CCDC184: variants seen among roughly 807,000 people sequenced by gnomAD.
CCDC184 encodes the protein coiled-coil domain containing 184, also known as coiled-coil domain-containing protein 184.
A neutral mutation model predicts 10.4 loss-of-function variants in CCDC184; 11 were observed. The ratio of observed to expected loss-of-function variants is 1.06; its 90% CI spans 0.67 to 1.75. CCDC184 has a LOEUF of 1.75. Ranked by LOEUF, CCDC184 falls within the 40% of genes most tolerant of loss-of-function variation. The pLI, the probability that CCDC184 is intolerant of heterozygous loss-of-function variation, is 0.00. For missense variants in CCDC184, 264 were observed against 267.9 expected, an observed-to-expected ratio of 0.99 and a Z score of 0.10; for synonymous variants, 102 against 116.1, an observed-to-expected ratio of 0.88 and a Z score of 0.78.
rs775229625 is a variant in CCDC184 at position 48,184,629 on chromosome 12, G to C, written c.507G>C (p.Gly169=). ...RPESPCAGLL[G]GDGPLVEPLD... ...AAAGCCCCTGTGCTGGTCTCCTTGG[G>C]GGGGACGGGCCACTTGTGGAGCCCC... Residue 169 remains glycine (G), a synonymous_variant, in exon 1 of 1, where the codon GGG becomes GGC. Transcript: ENST00000316554. 1.9e-6 allele frequency: 3 copies of C among 1,580,922 alleles called. No homozygotes were observed. Among genetic ancestry groups the C allele is most frequent in the African/African-American group, 1.3e-5 (1 of 74,370 alleles).
chr12:48,184,348 T>C lies in CCDC184; in HGVS notation c.226T>C (p.Ser76Pro). 1 of 1,613,972 alleles carries C rather than the reference T, an allele frequency of 6.2e-7. No individual in the cohort carries two copies. Reference sequence around the variant, plus strand: ...GCAGGCCTCGCACATCCAGGTGCTCTCGGACGACGTGTGCGCCAACCAGCG... The same window carrying C: ...GCAGGCCTCGCACATCCAGGTGCTCCCGGACGACGTGTGCGCCAACCAGCG... Reference protein sequence around the residue: ...DEQASHIQVLSDDVCANQRAI... With the variant: ...DEQASHIQVLPDDVCANQRAI... The change falls in exon 1 of 1, where the codon TCG (serine) becomes CCG (proline). Residue 76 changes from serine (S) to proline (P), a missense_variant. Ser to Pro is a moderately conservative substitution (Grantham distance 74). Transcript: ENST00000316554.
Position 48,184,498 on chromosome 12 carries a change from G to C in CCDC184, c.376G>C (p.Gly126Arg), listed in dbSNP as rs770417787. 2 of 1,598,458 alleles carry C rather than the reference G, an allele frequency of 1.3e-6. No homozygotes were observed. The highest frequency in any genetic ancestry group is 1.7e-5 in the Admixed American group (1 of 58,762). ...QEPETPSPGI[G>R]DSGLLGRDPE... ...GCCGGAGACTCCTTCGCCTGGGATCGGGGACAGCGGCTTGCTGGGTCGCGA... is the reference window on the plus strand; with the variant it reads ...GCCGGAGACTCCTTCGCCTGGGATCCGGGACAGCGGCTTGCTGGGTCGCGA... Residue 126 changes from glycine (G) to arginine (R), a missense_variant, in exon 1 of 1, where the codon GGG becomes CGG. Gly to Arg is a moderately radical substitution (Grantham distance 125, BLOSUM62 -2). Transcript: ENST00000316554.
At position 48,185,795 on chromosome 12, in the gene CCDC184, A is replaced by T. The variant is rs1243135221; in HGVS notation, c.*1088A>T. On this transcript the variant is annotated 3_prime_UTR_variant, in exon 1 of 1. Transcript: ENST00000316554. The stretch of plus-strand genomic sequence containing the variant: ...GGGCATGGAGCATGTGGCTGTCCTG[A>T]GGTTCTTTTACTGATGTGCCGCCCT... 1 of 166,966 alleles carries T rather than the reference A, an allele frequency of 6.0e-6. No individual in the cohort carries two copies. Among genetic ancestry groups the T allele is most frequent in the Admixed American group, 6.6e-5 (1 of 15,264 alleles). The allele number at this position is 166,966 out of a possible 1,614,324, so 10.3% of individuals were successfully genotyped here. A position where few individuals can be genotyped will look rare whatever the true frequency, so the allele number is the denominator to read the frequency against.
In CCDC184 at chr12:48,184,366, A is replaced by C. The variant is rs1441581605; in HGVS notation, c.244A>C (p.Asn82His). 1 of 1,613,782 alleles carries C rather than the reference A, an allele frequency of 6.2e-7. No homozygotes were observed. The highest frequency in any genetic ancestry group is 8.5e-7 in the Non-Finnish European group (1 of 1,180,000). The change falls in exon 1 of 1, where the codon AAC becomes CAC. Residue 82 changes from asparagine (N) to histidine (H), a missense_variant. Coordinates refer to ENST00000316554, the MANE Select transcript of CCDC184 (RefSeq NM_001013635.4). ...GGTGCTCTCGGACGACGTGTGCGCCAACCAGCGAGCCATCGTCTCCATGTG... is the reference window on the plus strand; with the variant it reads ...GGTGCTCTCGGACGACGTGTGCGCCCACCAGCGAGCCATCGTCTCCATGTG... ...IQVLSDDVCA[N>H]QRAIVSMCQI... is the part of the protein sequence containing the mutation.
chr12:48,184,027 G>GC lies in CCDC184; in HGVS notation c.-92dup. 3.0e-6 allele frequency: 2 copies of GC among 671,312 alleles called. No homozygotes were observed. The highest frequency in any genetic ancestry group is 2.3e-6 in the Non-Finnish European group (1 of 426,700). 41.6% of individuals were successfully genotyped at this position (671,312 alleles called of 1,614,324 possible). On this transcript the variant is annotated 5_prime_UTR_variant, in exon 1 of 1. Transcript: ENST00000316554. ...CCTCCGCTTCCCTCGGCTCCCGCTAGCCCCTCCCGGGACCTCTCCCCCTCC... is the reference window on the plus strand; with the variant it reads ...CCTCCGCTTCCCTCGGCTCCCGCTAGCCCCCTCCCGGGACCTCTCCCCCTCC...
rs749942261 is a variant in CCDC184 at position 48,184,333 on chromosome 12, C to A, written c.211C>A (p.His71Asn). 9.9e-6 allele frequency: 16 copies of A among 1,614,140 alleles called. No individual in the cohort carries two copies. Among genetic ancestry groups the A allele is most frequent in the South Asian group, 6.6e-5 (6 of 91,088 alleles). ...MRGALDEQASHIQVLSDDVCA... is the reference protein window; with the variant it reads ...MRGALDEQASNIQVLSDDVCA... ...GGGGGCCCTGGACGAGCAGGCCTCG[C>A]ACATCCAGGTGCTCTCGGACGACGT... The change falls in exon 1 of 1, where the codon CAC becomes AAC. Residue 71 changes from histidine to asparagine, a missense_variant. Physicochemically the swap from His to Asn is moderately conservative, Grantham distance 68. Transcript: ENST00000316554.
chr12:48,185,102 T>C lies in CCDC184; in HGVS notation c.*395T>C, dbSNP rs563010132. On this transcript the variant is annotated 3_prime_UTR_variant, in exon 1 of 1. Transcript: ENST00000316554. ...ACCATGGCAAATAATCTCTAACAAT[T>C]TACCTGGAAATTAAGGAATTGGGGG... 267 of 179,484 alleles carry C rather than the reference T, an allele frequency of 1.5e-3. 2 individuals carry two copies. Among genetic ancestry groups the C allele is most frequent in the African/African-American group, 5.9e-3 (248 of 42,024 alleles). 11.1% of individuals were successfully genotyped at this position (179,484 alleles called of 1,614,324 possible). A position where few individuals can be genotyped will look rare whatever the true frequency, so the allele number is the denominator to read the frequency against.
In CCDC184 at chr12:48,185,533, C is replaced by G. The variant is rs1411948392; in HGVS notation, c.*826C>G. The stretch of plus-strand genomic sequence containing the variant: ...TCTTGGGGCCGCAGCCAAAAACTGT[C>G]TCTCCTGGCTACACCTGCTTAACTT... On this transcript the variant is annotated 3_prime_UTR_variant, in exon 1 of 1. Coordinates refer to ENST00000316554, the MANE Select transcript of CCDC184 (RefSeq NM_001013635.4). 3.6e-5 allele frequency: 6 copies of G among 166,904 alleles called. No homozygotes were observed. Among genetic ancestry groups the G allele is most frequent in the Non-Finnish European group, 8.8e-5 (6 of 68,142 alleles). The allele number at this position is 166,904 out of a possible 1,614,324, so 10.3% of individuals were successfully genotyped here.
rs1387306449 is a variant in CCDC184, at chr12:48,183,830, G to C, written c.-293G>C. The C allele has an allele frequency of 2.8e-5, 11 of 387,522 alleles. No homozygotes were observed. Among genetic ancestry groups the C allele is most frequent in the Non-Finnish European group, 4.6e-5 (10 of 216,254 alleles). The allele number at this position is 387,522 out of a possible 1,614,324, so 24.0% of individuals were successfully genotyped here. ...GGCGGCGCTGACACGGGCGCGATCC[G>C]GGAGGCGAGGCAGGGCAGGGCACTT... is the stretch of plus-strand genomic sequence containing the variant. On this transcript the variant is annotated 5_prime_UTR_variant, in exon 1 of 1. Transcript: ENST00000316554.
chr12:48,185,695 A>G lies in CCDC184; in HGVS notation c.*988A>G, dbSNP rs931326109. ...GGGCAGGGCTTGTGGCTCTGGTGTT[A>G]GGTTCAGGGGCTTCAGACCCTTCTA... On this transcript the variant is annotated 3_prime_UTR_variant, in exon 1 of 1. Transcript: ENST00000316554. 1 of 167,054 alleles carries G rather than the reference A, an allele frequency of 6.0e-6. No individual in the cohort carries two copies. Among genetic ancestry groups the G allele is most frequent in the African/African-American group, 2.4e-5 (1 of 41,352 alleles). 10.3% of individuals were successfully genotyped at this position (167,054 alleles called of 1,614,324 possible). A position where few individuals can be genotyped will look rare whatever the true frequency, so the allele number is the denominator to read the frequency against.
chr12:48,184,044 T>TCCCCC lies in CCDC184; in HGVS notation c.-78_-74dup. The TCCCCC allele has an allele frequency of 4.6e-6, 3 of 652,394 alleles. No individual in the cohort carries two copies. The highest frequency in any genetic ancestry group is 1.7e-5 in the South Asian group (1 of 57,596). The allele number at this position is 652,394 out of a possible 1,614,324, so 40.4% of individuals were successfully genotyped here. On this transcript the variant is annotated 5_prime_UTR_variant, in exon 1 of 1. Coordinates refer to ENST00000316554, the MANE Select transcript of CCDC184 (RefSeq NM_001013635.4). ...TCCCGCTAGCCCCTCCCGGGACCTCTCCCCCTCCACCCCCTCCCCCACCCC... is the reference window on the plus strand; with the variant it reads ...TCCCGCTAGCCCCTCCCGGGACCTCTCCCCCCCCCCTCCACCCCCTCCCCCACCCC...
At position 48,184,161 on chromosome 12, in the gene CCDC184, C is replaced by A; in HGVS notation, c.39C>A (p.Gly13=). The A allele has an allele frequency of 6.2e-7, 1 of 1,613,796 alleles. No individual in the cohort carries two copies. The highest frequency in any genetic ancestry group is 1.1e-5 in the South Asian group (1 of 91,052). ...TGCTGGAGATCATGACCAAGGACGG[C>A]GGCGACATGCCGGCGCCCCTGGAGG... The part of the protein sequence containing the change: ...DGLLEIMTKD[G]GDMPAPLEVS... Residue 13 remains glycine, a synonymous_variant, in exon 1 of 1, where the codon GGC becomes GGA. Coordinates refer to ENST00000316554, the MANE Select transcript of CCDC184 (RefSeq NM_001013635.4).
Position 48,184,066 on chromosome 12 carries a change from C to CCCCCCCCG in CCDC184, c.-54_-53insCCCCGCCC. On this transcript the variant is annotated 5_prime_UTR_variant, in exon 1 of 1. Coordinates refer to ENST00000316554, the MANE Select transcript of CCDC184 (RefSeq NM_001013635.4). The stretch of plus-strand genomic sequence containing the variant: ...CTCTCCCCCTCCACCCCCTCCCCCA[C>CCCCCCCCG]CCCGGAGGCCGGGCTGGACGCGACC... 7.5e-7 allele frequency: 1 copy of CCCCCCCCG among 1,326,812 alleles called. No homozygotes were observed. 82.2% of individuals were successfully genotyped at this position (1,326,812 alleles called of 1,614,324 possible).
rs1951490723 is a variant in CCDC184 at position 48,184,650 on chromosome 12, G to T, written c.528G>T (p.Glu176Asp). The change falls in exon 1 of 1, where the codon GAG becomes GAT. Residue 176 changes from glutamate (E) to aspartate (D), a missense_variant. By Grantham distance (45) the Glu-to-Asp change is conservative. Transcript: ENST00000316554. ...GLLGGDGPLV[E>D]PLDMPDITLL... Reference sequence around the variant, plus strand: ...TTGGGGGGGACGGGCCACTTGTGGAGCCCCTCGACATGCCCGACATTACCC... The same window carrying T: ...TTGGGGGGGACGGGCCACTTGTGGATCCCCTCGACATGCCCGACATTACCC... 2.5e-6 allele frequency: 4 copies of T among 1,593,566 alleles called. No individual in the cohort carries two copies. The highest frequency in any genetic ancestry group is 1.8e-5 in the Admixed American group (1 of 57,044).
In CCDC184 at chr12:48,185,546, A is replaced by T. The variant is rs1951496168; in HGVS notation, c.*839A>T. 1 of 166,086 alleles carries T rather than the reference A, an allele frequency of 6.0e-6. No homozygotes were observed. The highest frequency in any genetic ancestry group is 1.5e-5 in the Non-Finnish European group (1 of 68,092). 10.3% of individuals were successfully genotyped at this position (166,086 alleles called of 1,614,324 possible). On this transcript the variant is annotated 3_prime_UTR_variant, in exon 1 of 1. Transcript: ENST00000316554. ...GCCAAAAACTGTCTCTCCTGGCTAC[A>T]CCTGCTTAACTTCAGTTCCTTTTTC...
In CCDC184 at chr12:48,184,546, G is replaced by A. The variant is rs1342833713; in HGVS notation, c.424G>A (p.Glu142Lys). ...GRDPEDEEEE[E>K]EEKEMPSPAT... is the part of the protein sequence containing the mutation. ...CGATCCCGAGGACGAGGAGGAAGAGGAAGAAGAGAAGGAGATGCCCAGCCC... is the reference window on the plus strand; with the variant it reads ...CGATCCCGAGGACGAGGAGGAAGAGAAAGAAGAGAAGGAGATGCCCAGCCC... The change falls in exon 1 of 1, where the codon GAA (glutamate) becomes AAA (lysine). Residue 142 changes from glutamate (E) to lysine (K), a missense_variant. Coordinates refer to ENST00000316554, the MANE Select transcript of CCDC184 (RefSeq NM_001013635.4). 3 of 1,549,772 alleles carry A rather than the reference G, an allele frequency of 1.9e-6. No homozygotes were observed. Among genetic ancestry groups the A allele is most frequent in the Admixed American group, 1.9e-5 (1 of 51,528 alleles).
Position 48,184,080 on chromosome 12 carries a change from C to A in CCDC184, c.-43C>A. ...CCCCTCCCCCACCCCGGAGGCCGGG[C>A]TGGACGCGACCCAGAGCCTCCGCCA... On this transcript the variant is annotated 5_prime_UTR_variant, in exon 1 of 1. The change creates a new upstream start codon in the 5' untranslated region. Transcript: ENST00000316554. 3.4e-6 allele frequency: 3 copies of A among 890,106 alleles called. No homozygotes were observed. Among genetic ancestry groups the A allele is most frequent in the Non-Finnish European group, 3.3e-6 (2 of 606,784 alleles). The allele number at this position is 890,106 out of a possible 1,614,324, so 55.1% of individuals were successfully genotyped here. A position where few individuals can be genotyped will look rare whatever the true frequency, so the allele number is the denominator to read the frequency against.
At position 48,184,716 on chromosome 12, in the gene CCDC184, C is replaced by T; in HGVS notation, c.*9C>T. The T allele has an allele frequency of 6.3e-7, 1 of 1,583,984 alleles. No homozygotes were observed. ...GCGAGGCCTCCCTGTGAGGGGACTCCGTGGGGCACTACCTTCCCGGGCTGT... is the reference window on the plus strand; with the variant it reads ...GCGAGGCCTCCCTGTGAGGGGACTCTGTGGGGCACTACCTTCCCGGGCTGT... On this transcript the variant is annotated 3_prime_UTR_variant, in exon 1 of 1. Transcript: ENST00000316554.
rs540875548 is a variant in CCDC184 at position 48,184,918 on chromosome 12, C to G, written c.*211C>G. The G allele has an allele frequency of 1.2e-4, 64 of 545,580 alleles. No homozygotes were observed. The highest frequency in any genetic ancestry group is 1.1e-3 in the African/African-American group (60 of 53,072). The allele number at this position is 545,580 out of a possible 1,614,324, so 33.8% of individuals were successfully genotyped here. The stretch of plus-strand genomic sequence containing the variant: ...TTCTGCCCAACTAAGCGAATTATAG[C>G]GAACTGCGGAAAGGTGAGGCTCCGG... On this transcript the variant is annotated 3_prime_UTR_variant, in exon 1 of 1. Coordinates refer to ENST00000316554, the MANE Select transcript of CCDC184 (RefSeq NM_001013635.4).
Sources: allele counts gnomAD v4.1 joint callset, GRCh38; gene constraint gnomAD v4.1.1; transcripts MANE v1.5; gene names NCBI Gene and HGNC (gene_info 2026-07-23, HGNC 2026-07-21).